Variants in ITPK1 observed in about 807,000 individuals in gnomAD.
ITPK1 encodes the protein inositol-tetrakisphosphate 1-kinase.
ITPK1 carries 21 observed loss-of-function variants against 45.3 expected under a neutral mutation model. The observed-to-expected ratio is 0.46, with a 90% CI of 0.33 to 0.67. The LOEUF (loss-of-function observed/expected upper bound fraction) is 0.67, where lower values mean the gene tolerates loss of function less well. Ranked by LOEUF, ITPK1 falls within the 30% of genes least tolerant of loss-of-function variation. The pLI is 0.02. For missense variants in ITPK1, 474 were observed against 573.5 expected (o/e 0.83, Z 1.77); for synonymous variants, 258 against 253.6 (o/e 1.02, Z -0.16).
chr14:92,944,699 C>T (rs953229357), intron 10 of ITPK1, among the ~76,000 whole-genome samples: 5 of 152,330 alleles, frequency 3.3e-5, no homozygotes, highest in Non-Finnish European at 7.3e-5. Flanking sequence ...TTAGATCCCA[C>T]ACTTCCTTAT....
rs1887402512 is a variant in ITPK1, at chr14:92,941,577, T to G, written c.1229A>C (p.Lys410Thr). ...GCTCCGTGGCTACTGGGAGGAGGCC[T>G]TGGTGGCCAGGGAGGCCACACAATG... ...QQHCVASLAT[K>T]ASSQ is the part of the protein sequence containing the mutation. Residue 410 changes from lysine to threonine, a missense_variant, in exon 11 of 11, where the codon AAG (lysine) becomes ACG (threonine). Lys to Thr is a moderately conservative substitution (Grantham distance 78, BLOSUM62 -1). This residue lies in a region of ITPK1 where 107 missense variants were observed against 92.9 expected (regional missense o/e 1.15). Transcript: ENST00000267615. 2 of 1,536,280 alleles carry G rather than the reference T, an allele frequency of 1.3e-6. No individual in the cohort carries two copies. The highest frequency in any genetic ancestry group is 1.7e-6 in the Non-Finnish European group (2 of 1,144,106).
At chr14:92,962,906 C>T (rs780560878) in intron 5 of ITPK1, 57 bp from the exon 6 acceptor site, 8 of 1,241,348 alleles carry the variant, frequency 6.4e-6, no homozygotes, top group Middle Eastern at 2.1e-4. Context: ...CCCAGGTGCA[C>T]GTCCTGTGAC....
At position 93,012,808 on chromosome 14, in the gene ITPK1, AGT is replaced by A. The variant is rs1887978560; in HGVS notation, c.246+3866_246+3867del. ...CAGTTGAGACTGAAACTTCCTTCTT[AGT>A]CCTAAGCTTATTCAGGGAGAACCCC... On this transcript the variant is annotated intron_variant, in intron 4 of 10. Coordinates refer to ENST00000267615, the MANE Select transcript of ITPK1 (RefSeq NM_014216.6). This position sits in a 1 kb window ranked among gnomAD's most constrained non-coding sequence, Gnocchi z 4.9. Among the ~76,000 whole-genome samples, 1 of 152,242 alleles carries A rather than the reference AGT, an allele frequency of 6.6e-6. No individual in the cohort carries two copies. Among genetic ancestry groups the A allele is most frequent in the South Asian group, 2.1e-4 (1 of 4,830 alleles).
chr14:93,042,312 G>A (rs1889592738), intron 3 of ITPK1, among the ~76,000 whole-genome samples: 1 of 152,162 alleles, frequency 6.6e-6, no homozygotes, highest in Admixed American at 6.5e-5. Flanking sequence ...ACAGAAAGTG[G>A]CTAAGAACAA....
Position 92,938,329 on chromosome 14 carries a change from T to G in ITPK1, c.*3232A>C. The G allele has an allele frequency of 1.5e-6, 1 of 671,196 alleles. No individual in the cohort carries two copies. Among genetic ancestry groups the G allele is most frequent in the Non-Finnish European group, 2.7e-6 (1 of 365,874 alleles). 41.6% of individuals were successfully genotyped at this position (671,196 alleles called of 1,614,324 possible). ...CATTAGTGAAGCCATTCAGCAGTTG[T>G]GGCCAGTGGCCAATGTGAGTGCCCA... On this transcript the variant is annotated 3_prime_UTR_variant, in exon 11 of 11. Transcript: ENST00000267615.
In ITPK1 at chr14:93,115,264, G is replaced by A. The variant is rs1892896807; in HGVS notation, c.-101C>T. ...GAGCGAGTGGGCACCTCCTCCCGGCGGCGGGGACGCGGAACGGGGATCGGA... is the reference window on the plus strand; with the variant it reads ...GAGCGAGTGGGCACCTCCTCCCGGCAGCGGGGACGCGGAACGGGGATCGGA... On this transcript the variant is annotated 5_prime_UTR_variant, in exon 2 of 11. Transcript: ENST00000267615. 2 of 730,504 alleles carry A rather than the reference G, an allele frequency of 2.7e-6. No homozygotes were observed. Among genetic ancestry groups the A allele is most frequent in the Non-Finnish European group, 4.5e-6 (2 of 440,942 alleles). 45.3% of individuals were successfully genotyped at this position (730,504 alleles called of 1,614,324 possible). A position where few individuals can be genotyped will look rare whatever the true frequency, so the allele number is the denominator to read the frequency against.
At chr14:93,001,198 C>T (rs1355842833) in intron 4 of ITPK1, among the ~76,000 whole-genome samples, 1 of 152,048 alleles carries the variant, frequency 6.6e-6, no homozygotes, top group African/African-American at 2.4e-5. Context: ...GAGGCTGAGG[C>T]AGGAGAATCG....
At chr14:93,010,891 G>A (rs1029756480) in intron 4 of ITPK1, among the ~76,000 whole-genome samples, 8 of 149,722 alleles carry the variant, frequency 5.3e-5, no homozygotes, top group East Asian at 2.0e-4. Flanking sequence ...CACAGTAAGC[G>A]TGGCTGACTG....
intron 2 of ITPK1, among the ~76,000 whole-genome samples, chr14:93,081,320 C>T (rs542692264): frequency 6.9e-6 from 1 of 145,784 alleles, no homozygotes; most frequent in African/African-American, 2.7e-5. Flanking sequence ...GGCAACAGAG[C>T]GAGATGCCGT....
chr14:93,005,471 T>C (rs893335823), intron 4 of ITPK1, among the ~76,000 whole-genome samples: 6 of 152,134 alleles, frequency 3.9e-5, no homozygotes, highest in Non-Finnish European at 7.4e-5. Context: ...TGAGGCAGCA[T>C]GACACCACCC....
chr14:92,943,723 G>A (rs948647590), intron 10 of ITPK1, among the ~76,000 whole-genome samples: 21 of 152,354 alleles, frequency 1.4e-4, no homozygotes, highest in Middle Eastern at 3.4e-3. Flanking sequence ...GGAGCTCGGG[G>A]AGCGGACTGA....
intron 9 of ITPK1, among the ~76,000 whole-genome samples, chr14:92,951,135 C>T (rs1223137496): frequency 6.6e-6 from 1 of 152,260 alleles, no homozygotes; most frequent in Non-Finnish European, 1.5e-5. Flanking sequence ...AGAAGAGCAG[C>T]ACACATGCAT....
Position 93,049,313 on chromosome 14 carries a change from C to T in ITPK1, c.120+27282G>A, listed in dbSNP as rs371528921. On this transcript the variant is annotated intron_variant, in intron 3 of 10. Coordinates refer to ENST00000267615, the MANE Select transcript of ITPK1 (RefSeq NM_014216.6). ...TGCTAAGTACCAAGGTGAGTGCCTG[C>T]GAGGAGCCCACAGGTAAACACAGTC... 6.1e-4 allele frequency among the ~76,000 whole-genome samples: 93 copies of T among 152,280 alleles called. No individual in the cohort carries two copies. The South Asian group carries it at 0.014, about 23-fold the overall frequency.
intron 3 of ITPK1, among the ~76,000 whole-genome samples, chr14:93,025,982 C>T (rs774234590): frequency 6.6e-6 from 1 of 152,048 alleles, no homozygotes; most frequent in African/African-American, 2.4e-5. Flanking sequence ...AAAAATTAGC[C>T]GGGCTGGTGG....
Position 93,036,057 on chromosome 14 carries a change from C to T in ITPK1, c.121-19256G>A, listed in dbSNP as rs1889302803. On this transcript the variant is annotated intron_variant, in intron 3 of 10. Coordinates refer to ENST00000267615, the MANE Select transcript of ITPK1 (RefSeq NM_014216.6). This position sits in a 1 kb window ranked among gnomAD's most constrained non-coding sequence, Gnocchi z 4.1. ...AGTTTGGAAACAGGTGGGAGGAGCA[C>T]TCGCCAAGCCCAAGGCCACCCTTTC... Among the ~76,000 whole-genome samples the T allele has an allele frequency of 6.6e-6, 1 of 152,214 alleles. No homozygotes were observed. The highest frequency in any genetic ancestry group is 1.5e-5 in the Non-Finnish European group (1 of 68,042).
intron 5 of ITPK1, among the ~76,000 whole-genome samples, chr14:92,991,246 TGGGG>T (rs368152942): frequency 0.018 from 2,748 of 152,082 alleles, 70 homozygotes; most frequent in Admixed American, 0.08. Flanking sequence ...CTGCAGCTGG[TGGGG>T]GCATGCAGCA....
intron 2 of ITPK1, among the ~76,000 whole-genome samples, chr14:93,099,369 A>G (rs921304537): frequency 6.6e-6 from 1 of 152,192 alleles, no homozygotes; most frequent in Non-Finnish European, 1.5e-5. Context: ...CAACAGGCTA[A>G]TTGTGTTTAC....
Position 93,006,706 on chromosome 14 carries a change from A to C in ITPK1, c.246+9970T>G, listed in dbSNP as rs113062129. The stretch of plus-strand genomic sequence containing the variant: ...CTCTCTGGGGGGGAAACTGTTGTTC[A>C]AGAGCCAGCAGGAAGACCCATGCAA... On this transcript the variant is annotated intron_variant, in intron 4 of 10. Coordinates refer to ENST00000267615, the MANE Select transcript of ITPK1 (RefSeq NM_014216.6). Among the ~76,000 whole-genome samples, 469 of 152,318 alleles carry C rather than the reference A, an allele frequency of 3.1e-3. 3 individuals are homozygous for C. The highest frequency in any genetic ancestry group is 0.011 in the African/African-American group (446 of 41,568).
intron 3 of ITPK1, among the ~76,000 whole-genome samples, chr14:93,061,137 C>G (rs1484255548): frequency 6.6e-6 from 1 of 152,238 alleles, no homozygotes; most frequent in Non-Finnish European, 1.5e-5. Flanking sequence ...AATTAACTTT[C>G]CGGACTGCAA....
Sources: gnomAD v4.1 joint callset for allele counts (sites outside exome capture counted in the v4.1 genomes callset) on GRCh38, gnomAD v4.1.1 for gene constraint, gnomAD v4.1.1 regional missense constraint, Gnocchi (gnomAD v3.1) non-coding constraint, MANE v1.5 for transcripts, NCBI Gene and HGNC (gene_info 2026-07-23, HGNC 2026-07-21) for gene names.